NPRL2: variants seen among roughly 807,000 people sequenced by gnomAD.
NPRL2 encodes the protein NPR2 like, GATOR1 complex subunit.
NPRL2 carries 21 observed loss-of-function variants against 51.1 expected under a neutral mutation model. The ratio of observed to expected loss-of-function variants is 0.41; its 90% CI spans 0.29 to 0.59. The LOEUF is 0.59. Ranked by LOEUF, NPRL2 falls within the 20% of genes least tolerant of loss-of-function variation. NPRL2 has a pLI of 0.29. For synonymous variants in NPRL2, 175 were observed against 187.8 expected, an observed-to-expected ratio of 0.93 and a Z score of 0.56; for missense variants, 376 against 483.4, an observed-to-expected ratio of 0.78 and a Z score of 2.08.
In NPRL2 at chr3:50,348,573, A is replaced by C. The variant is rs1703638244; in HGVS notation, c.684-10T>G. The stretch of plus-strand genomic sequence containing the variant: ...CACAACGCCGTAGTACCTGAGAGAG[A>C]GAGCTGTGCTCAGCTTCTGAGGACC... On this transcript the variant is annotated splice_polypyrimidine_tract_variant and intron_variant, in intron 6 of 10. Transcript: ENST00000232501. The surrounding 1 kb of genome is among the most constrained non-coding windows in gnomAD (Gnocchi z 5.8). 2 of 1,614,122 alleles carry C rather than the reference A, an allele frequency of 1.2e-6. No individual in the cohort carries two copies. Among genetic ancestry groups the C allele is most frequent in the Non-Finnish European group, 1.7e-6 (2 of 1,180,040 alleles).
rs758435857 is a variant in NPRL2, at chr3:50,350,599, C to A, written c.54G>T (p.Thr18=). The A allele has an allele frequency of 5.6e-6, 9 of 1,609,140 alleles. No individual in the cohort carries two copies. Among genetic ancestry groups the A allele is most frequent in the East Asian group, 2.2e-5 (1 of 44,728 alleles). The change falls in exon 1 of 11, where the codon ACG becomes ACT. Residue 18 remains threonine (T), a synonymous_variant. Coordinates refer to ENST00000232501, the MANE Select transcript of NPRL2 (RefSeq NM_006545.5). The surrounding 1 kb of genome is among the most constrained non-coding windows in gnomAD (Gnocchi z 5.7). ...ECIFFSEFHP[T]LGPKITYQVP... ...CCTGATAGGTGATCTTGGGTCCCAG[C>A]GTGGGGTGGAACTCGCTGAAGAATA...
chr3:50,349,553 C>G lies in NPRL2; in HGVS notation c.340-59G>C. The G allele has an allele frequency of 6.2e-7, 1 of 1,611,912 alleles. No individual in the cohort carries two copies. The highest frequency in any genetic ancestry group is 8.5e-7 in the Non-Finnish European group (1 of 1,178,346). On this transcript the variant is annotated intron_variant, in intron 3 of 10. Transcript: ENST00000232501. The surrounding 1 kb of genome is among the most constrained non-coding windows in gnomAD (Gnocchi z 4.6). ...CCCAGGACCCCTGGCTGGTTGGCTG[C>G]CCTGAGTCCTGAGCTGGTTTGCAGG...
chr3:50,347,964 C>T, intron 9 of NPRL2, 63 bp from the exon 10 acceptor site: 1 of 1,608,336 alleles, frequency 6.2e-7, no homozygotes, highest in East Asian at 2.2e-5. Context: ...GCAGGCCAAC[C>T]CTTTCCTGTA....
Position 50,350,122 on chromosome 3 carries a change from C to T in NPRL2, c.79-100G>A. On this transcript the variant is annotated intron_variant, in intron 1 of 10. Coordinates refer to ENST00000232501, the MANE Select transcript of NPRL2 (RefSeq NM_006545.5). This position sits in a 1 kb window ranked among gnomAD's most constrained non-coding sequence, Gnocchi z 5.7. ...GCCCCCCAAGCCCAAGTCCTCTTCT[C>T]CAGCGTTCCCCTCTCTCCCATCCAC... The T allele has an allele frequency of 1.1e-6, 1 of 898,856 alleles. No homozygotes were observed. Among genetic ancestry groups the T allele is most frequent in the South Asian group, 1.4e-5 (1 of 69,000 alleles). 55.7% of individuals were successfully genotyped at this position (898,856 alleles called of 1,614,324 possible). A position where few individuals can be genotyped will look rare whatever the true frequency, so the allele number is the denominator to read the frequency against.
In NPRL2 at chr3:50,347,938, C is replaced by T. The variant is rs1001341810; in HGVS notation, c.933-37G>A. 3.1e-6 allele frequency: 5 copies of T among 1,611,382 alleles called. No individual in the cohort carries two copies. The Admixed American group carries it at 6.7e-5, about 22-fold the overall frequency. ...ATCAGAGGACGGGGTGACGCCCTGG[C>T]CAGGCCTTCTTTCAGGCAGGCCAAC... On this transcript the variant is annotated intron_variant, in intron 9 of 10. Transcript: ENST00000232501.
chr3:50,349,064 A>G lies in NPRL2; in HGVS notation c.449-54T>C. 7 of 1,588,494 alleles carry G rather than the reference A, an allele frequency of 4.4e-6. No individual in the cohort carries two copies. The highest frequency in any genetic ancestry group is 1.1e-5 in the South Asian group (1 of 88,282). Reference sequence around the variant, plus strand: ...TGCCACTTCTTCCAAGAGGTCCTCAATTACCATCCAGGCCTCCCAGCATCC... The same window carrying G: ...TGCCACTTCTTCCAAGAGGTCCTCAGTTACCATCCAGGCCTCCCAGCATCC... On this transcript the variant is annotated intron_variant, in intron 4 of 10. Coordinates refer to ENST00000232501, the MANE Select transcript of NPRL2 (RefSeq NM_006545.5). The surrounding 1 kb of genome is among the most constrained non-coding windows in gnomAD (Gnocchi z 4.6).
rs1703683579 is a variant in NPRL2 at position 50,349,607 on chromosome 3, TG to T, written c.339+57del. ...CCAGGTTTGGGGGACTTTGGAGACA[TG>T]GGAACACCTTCCCCAACTCTGCCTG... On this transcript the variant is annotated intron_variant, in intron 3 of 10. Coordinates refer to ENST00000232501, the MANE Select transcript of NPRL2 (RefSeq NM_006545.5). The surrounding 1 kb of genome is among the most constrained non-coding windows in gnomAD (Gnocchi z 4.6). The T allele has an allele frequency of 5.0e-6, 8 of 1,604,754 alleles. No homozygotes were observed. The highest frequency in any genetic ancestry group is 1.3e-5 in the African/African-American group (1 of 74,792).
chr3:50,349,748 C>T lies in NPRL2; in HGVS notation c.256G>A (p.Gly86Ser). The change falls in exon 3 of 11, where the codon GGC becomes AGC. Residue 86 changes from glycine (G) to serine (S), a missense_variant. Transcript: ENST00000232501. The surrounding 1 kb of genome is among the most constrained non-coding windows in gnomAD (Gnocchi z 4.6). ...TTGGCCTGGGCATCACACACGAAGC[C>T]CAGGTTGAAGAGGAGAGCATTGCGG... ...YSRNALLFNL[G>S]FVCDAQAKTC... is the part of the protein sequence containing the mutation. 1 of 1,613,944 alleles carries T rather than the reference C, an allele frequency of 6.2e-7. No individual in the cohort carries two copies. The highest frequency in any genetic ancestry group is 8.5e-7 in the Non-Finnish European group (1 of 1,179,992).
In NPRL2 at chr3:50,347,885, C is replaced by T; in HGVS notation, c.949G>A (p.Gly317Arg). Residue 317 changes from glycine (G) to arginine (R), a missense_variant, in exon 10 of 11, where the codon GGG becomes AGG. By Grantham distance (125) the Gly-to-Arg change is moderately radical. Coordinates refer to ENST00000232501, the MANE Select transcript of NPRL2 (RefSeq NM_006545.5). ...HVDERKLIQF[G>R]LMKNLIRRLQ... ...CGCCTGATGAGGTTCTTCATAAGCC[C>T]GAACTGGATCAGCTTCCTAGGGTGA... The T allele has an allele frequency of 6.2e-7, 1 of 1,614,032 alleles. No homozygotes were observed. Among genetic ancestry groups the T allele is most frequent in the Non-Finnish European group, 8.5e-7 (1 of 1,180,044 alleles).
At position 50,349,812 on chromosome 3, in the gene NPRL2, C is replaced by T. The variant is rs1703692567; in HGVS notation, c.192G>A (p.Leu64=). ...GTTCGATGCACACAGGACAGCCGAT[C>T]AGCTTCTTTTCCATAGCTGTGCTGG... The part of the protein sequence containing the change: ...LITVTAMEKK[L]IGCPVCIEHK... Residue 64 remains leucine, a synonymous_variant, in exon 3 of 11, where the codon CTG becomes CTA. Transcript: ENST00000232501. This position sits in a 1 kb window ranked among gnomAD's most constrained non-coding sequence, Gnocchi z 4.6. 1.9e-6 allele frequency: 3 copies of T among 1,612,428 alleles called. No individual in the cohort carries two copies. The highest frequency in any genetic ancestry group is 2.5e-6 in the Non-Finnish European group (3 of 1,178,762).
rs1361161511 is a variant in NPRL2, at chr3:50,348,008, T to A, written c.933-107A>T. ...TCAATTTTGTCTCTGTAGCCCATCA[T>A]CTCCAGGAAGCCTGCTTGGATTGGC... On this transcript the variant is annotated intron_variant, in intron 9 of 10. Transcript: ENST00000232501. This position sits in a 1 kb window ranked among gnomAD's most constrained non-coding sequence, Gnocchi z 5.8. 6.3e-7 allele frequency: 1 copy of A among 1,593,432 alleles called. No homozygotes were observed. Among genetic ancestry groups the A allele is most frequent in the Non-Finnish European group, 8.6e-7 (1 of 1,165,000 alleles).
rs1003793255 is a variant in NPRL2 at position 50,349,651 on chromosome 3, A to G, written c.339+14T>C. 1.2e-6 allele frequency: 2 copies of G among 1,605,234 alleles called. No individual in the cohort carries two copies. The highest frequency in any genetic ancestry group is 1.7e-6 in the Non-Finnish European group (2 of 1,173,240). Reference sequence around the variant, plus strand: ...TCTGCCTGTCGGTAAACCCAAGCCCATCTCATTGCAGACCTCTAGTGTGGT... The same window carrying G: ...TCTGCCTGTCGGTAAACCCAAGCCCGTCTCATTGCAGACCTCTAGTGTGGT... On this transcript the variant is annotated intron_variant, in intron 3 of 10. Transcript: ENST00000232501. This position sits in a 1 kb window ranked among gnomAD's most constrained non-coding sequence, Gnocchi z 4.6.
Position 50,347,404 on chromosome 3 carries a change from GAT to G in NPRL2, c.*200_*201del. On this transcript the variant is annotated 3_prime_UTR_variant, in exon 11 of 11. Coordinates refer to ENST00000232501, the MANE Select transcript of NPRL2 (RefSeq NM_006545.5). ...TGTCGATTGTCGGTCCTGCCCACCA[GAT>G]GGCGATCTAGCCCACGGCTCGTGGC... 1 of 313,746 alleles carries G rather than the reference GAT, an allele frequency of 3.2e-6. No homozygotes were observed. The highest frequency in any genetic ancestry group is 5.9e-6 in the Non-Finnish European group (1 of 168,886). 19.4% of individuals were successfully genotyped at this position (313,746 alleles called of 1,614,324 possible).
In NPRL2 at chr3:50,350,510, A is replaced by G; in HGVS notation, c.78+65T>C. On this transcript the variant is annotated intron_variant, in intron 1 of 10. Transcript: ENST00000232501. This position sits in a 1 kb window ranked among gnomAD's most constrained non-coding sequence, Gnocchi z 5.7. ...TGCAGCACGGGAAACTACTGCCTTC[A>G]GGCAGCCAGTTGAGCTCTCGAGAAC... is the stretch of plus-strand genomic sequence containing the variant. 1 of 1,479,716 alleles carries G rather than the reference A, an allele frequency of 6.8e-7. No homozygotes were observed. Among genetic ancestry groups the G allele is most frequent in the South Asian group, 1.2e-5 (1 of 82,728 alleles). The allele number at this position is 1,479,716 out of a possible 1,614,324, so 91.7% of individuals were successfully genotyped here. A position where few individuals can be genotyped will look rare whatever the true frequency, so the allele number is the denominator to read the frequency against.
At position 50,350,605 on chromosome 3, in the gene NPRL2, G is replaced by A. The variant is rs369330407; in HGVS notation, c.48C>T (p.His16=). 44 of 1,609,708 alleles carry A rather than the reference G, an allele frequency of 2.7e-5. No individual in the cohort carries two copies. The highest frequency in any genetic ancestry group is 1.5e-4 in the Admixed American group (9 of 59,696). ...AGGTGATCTTGGGTCCCAGCGTGGG[G>A]TGGAACTCGCTGAAGAATATGCATT... ...RIECIFFSEF[H]PTLGPKITYQ... is the part of the protein sequence containing the mutation. The change falls in exon 1 of 11, where the codon CAC becomes CAT. Residue 16 remains histidine, a synonymous_variant. Coordinates refer to ENST00000232501, the MANE Select transcript of NPRL2 (RefSeq NM_006545.5). This position sits in a 1 kb window ranked among gnomAD's most constrained non-coding sequence, Gnocchi z 5.7.
rs1319738586 is a variant in NPRL2 at position 50,350,188 on chromosome 3, G to A, written c.79-166C>T. 1 of 621,056 alleles carries A rather than the reference G, an allele frequency of 1.6e-6. No individual in the cohort carries two copies. The highest frequency in any genetic ancestry group is 2.8e-6 in the Non-Finnish European group (1 of 351,524). 38.5% of individuals were successfully genotyped at this position (621,056 alleles called of 1,614,324 possible). A position where few individuals can be genotyped will look rare whatever the true frequency, so the allele number is the denominator to read the frequency against. ...CTTTCTGTTTCCAAACATACGCTAT[G>A]ATCTCACCTCCTTCCTGGCTTCTGC... On this transcript the variant is annotated intron_variant, in intron 1 of 10. Coordinates refer to ENST00000232501, the MANE Select transcript of NPRL2 (RefSeq NM_006545.5). The surrounding 1 kb of genome is among the most constrained non-coding windows in gnomAD (Gnocchi z 5.7).
At position 50,349,137 on chromosome 3, in the gene NPRL2, A is replaced by C; in HGVS notation, c.449-127T>G. 1.7e-6 allele frequency: 2 copies of C among 1,192,718 alleles called. No individual in the cohort carries two copies. Among genetic ancestry groups the C allele is most frequent in the Non-Finnish European group, 2.3e-6 (2 of 857,550 alleles). 73.9% of individuals were successfully genotyped at this position (1,192,718 alleles called of 1,614,324 possible). A position where few individuals can be genotyped will look rare whatever the true frequency, so the allele number is the denominator to read the frequency against. Reference sequence around the variant, plus strand: ...GGGTAGGGCTAATCTTTCTCTTTTTATGGAGTGAGAAACGGAGGCCCACAA... The same window carrying C: ...GGGTAGGGCTAATCTTTCTCTTTTTCTGGAGTGAGAAACGGAGGCCCACAA... On this transcript the variant is annotated intron_variant, in intron 4 of 10. Coordinates refer to ENST00000232501, the MANE Select transcript of NPRL2 (RefSeq NM_006545.5). This position sits in a 1 kb window ranked among gnomAD's most constrained non-coding sequence, Gnocchi z 4.6.
chr3:50,350,729 G>A lies in NPRL2; in HGVS notation c.-77C>T, dbSNP rs1449160409. 6.5e-7 allele frequency: 1 copy of A among 1,533,902 alleles called. No individual in the cohort carries two copies. The highest frequency in any genetic ancestry group is 1.4e-5 in the African/African-American group (1 of 72,880). On this transcript the variant is annotated 5_prime_UTR_variant, in exon 1 of 11. Coordinates refer to ENST00000232501, the MANE Select transcript of NPRL2 (RefSeq NM_006545.5). This position sits in a 1 kb window ranked among gnomAD's most constrained non-coding sequence, Gnocchi z 5.7. ...CCCCACCTCCTGTGAACACTTGTCA[G>A]AGACAGCCTCGAGGCCTGTGTCGCT...
chr3:50,348,944 T>C lies in NPRL2; in HGVS notation c.515A>G (p.Tyr172Cys). 1 of 1,614,052 alleles carries C rather than the reference T, an allele frequency of 6.2e-7. No homozygotes were observed. Among genetic ancestry groups the C allele is most frequent in the African/African-American group, 1.3e-5 (1 of 75,040 alleles). Residue 172 changes from tyrosine (Y) to cysteine (C), a missense_variant, in exon 5 of 11, where the codon TAT becomes TGT. Transcript: ENST00000232501. This position sits in a 1 kb window ranked among gnomAD's most constrained non-coding sequence, Gnocchi z 5.8. ...GTCTTTGGTAAAGACAGGTACATCA[T>C]ACTCCTGGGCCACCGGAGGGTCTGG... Reference protein sequence around the residue: ...QRPDPPVAQEYDVPVFTKDKE... With the variant: ...QRPDPPVAQECDVPVFTKDKE...
Sources: gnomAD v4.1 joint callset for allele counts on GRCh38, gnomAD v4.1.1 for gene constraint, Gnocchi (gnomAD v3.1) non-coding constraint, MANE v1.5 for transcripts, NCBI Gene and HGNC (gene_info 2026-07-23, HGNC 2026-07-21) for gene names.